CACNA2D3: variants seen among roughly 807,000 people sequenced by gnomAD.
The protein encoded by CACNA2D3 is voltage-dependent calcium channel subunit alpha-2/delta-3.
A neutral mutation model predicts 160.6 loss-of-function variants in CACNA2D3; 60 were observed. The ratio of observed to expected loss-of-function variants is 0.37; its 90% CI spans 0.30 to 0.46. The LOEUF is 0.46. Ranked by LOEUF, CACNA2D3 falls within the 20% of genes least tolerant of loss-of-function variation. The pLI, the probability that CACNA2D3 is intolerant of heterozygous loss-of-function variation, is 1.00. For synonymous variants in CACNA2D3, 558 were observed against 492.9 expected (o/e 1.13, Z -1.75); for missense variants, 1,205 against 1,365.0 (o/e 0.88, Z 1.85).
intron 9 of CACNA2D3, among the ~76,000 whole-genome samples, chr3:54,624,382 G>T (rs1699050269): frequency 6.6e-6 from 1 of 152,202 alleles, no homozygotes; most frequent in Non-Finnish European, 1.5e-5. Flanking sequence ...CAGCACTTTG[G>T]GAGGCTGAGG....
intron 27 of CACNA2D3, among the ~76,000 whole-genome samples, chr3:54,960,772 G>T (rs1479435765): frequency 6.6e-6 from 1 of 152,030 alleles, no homozygotes; most frequent in Non-Finnish European, 1.5e-5. Flanking sequence ...TGTCTTTTTT[G>T]TCCAACATTC....
intron 2 of CACNA2D3, among the ~76,000 whole-genome samples, chr3:54,253,425 G>C (rs543962887): frequency 1.3e-5 from 2 of 152,124 alleles, no homozygotes; most frequent in Non-Finnish European, 2.9e-5. Flanking sequence ...CATGGCTGGA[G>C]CAGGAGCCAG....
At chr3:54,646,779 G>T (rs1465947743) in intron 11 of CACNA2D3, among the ~76,000 whole-genome samples, 3 of 152,170 alleles carry the variant, frequency 2.0e-5, no homozygotes, top group Non-Finnish European at 4.4e-5. Context: ...ACCCAGTAAT[G>T]GGATTGCTGG....
chr3:55,040,068 G>C (rs2107189595), intron 35 of CACNA2D3, among the ~76,000 whole-genome samples: 1 of 152,278 alleles, frequency 6.6e-6, no homozygotes, highest in South Asian at 2.1e-4. Flanking sequence ...AGCATGGTCA[G>C]GTTCTGGTAA....
chr3:54,301,614 G>T (rs58603580), intron 2 of CACNA2D3, among the ~76,000 whole-genome samples: 3,095 of 152,244 alleles, frequency 0.02, 88 homozygotes, highest in African/African-American at 0.071. Context: ...AGTTTCCAAA[G>T]AAAATGTAGT....
chr3:54,490,203 G>A (rs1488866356), intron 4 of CACNA2D3, among the ~76,000 whole-genome samples: 1 of 152,254 alleles, frequency 6.6e-6, no homozygotes, highest in Non-Finnish European at 1.5e-5. Context: ...TGCAGGCACT[G>A]TGTGGTGACT....
chr3:54,312,151 A>C (rs1703756127), intron 2 of CACNA2D3, among the ~76,000 whole-genome samples: 1 of 152,156 alleles, frequency 6.6e-6, no homozygotes, highest in Non-Finnish European at 1.5e-5. Flanking sequence ...CATTTATTTC[A>C]GGTCGCAGAC....
intron 12 of CACNA2D3, among the ~76,000 whole-genome samples, chr3:54,759,435 A>T (rs1185062023): frequency 1.3e-5 from 2 of 151,768 alleles, no homozygotes. Context: ...ATTTCCTATT[A>T]TCCATCATTT....
At chr3:54,885,937 G>A (rs1358014432) in intron 23 of CACNA2D3, among the ~76,000 whole-genome samples, 1 of 152,170 alleles carries the variant, frequency 6.6e-6, no homozygotes, top group Non-Finnish European at 1.5e-5. Flanking sequence ...CTGGAAGTAG[G>A]ATTGTGCCTC....
intron 2 of CACNA2D3, among the ~76,000 whole-genome samples, chr3:54,290,887 C>T (rs1052222308): frequency 6.0e-5 from 9 of 150,918 alleles, no homozygotes; most frequent in African/African-American, 2.2e-4. Flanking sequence ...GGAAGGGGAA[C>T]ATTCCACACC....
At chr3:54,246,279 A>G (rs976131731) in intron 2 of CACNA2D3, among the ~76,000 whole-genome samples, 8 of 152,066 alleles carry the variant, frequency 5.3e-5, no homozygotes, top group Admixed American at 6.6e-5. Context: ...AGGTTCCTCT[A>G]TTTTCTTTTT....
chr3:54,683,017 C>G (rs1364554972), intron 11 of CACNA2D3, among the ~76,000 whole-genome samples: 1 of 152,112 alleles, frequency 6.6e-6, no homozygotes, highest in Non-Finnish European at 1.5e-5. Context: ...CTTGCAAAAG[C>G]AACTAGATAA....
chr3:54,749,307 A>C (rs1169894931), intron 11 of CACNA2D3, among the ~76,000 whole-genome samples: 1 of 152,232 alleles, frequency 6.6e-6, no homozygotes, highest in African/African-American at 2.4e-5. Flanking sequence ...TGTACCATGA[A>C]CTTGTAGCCA....
At chr3:54,348,380 T>C (rs1261586644) in intron 3 of CACNA2D3, among the ~76,000 whole-genome samples, 2 of 152,232 alleles carry the variant, frequency 1.3e-5, no homozygotes, top group Admixed American at 1.3e-4. Flanking sequence ...AACTGCAAGA[T>C]AAAATATTTT....
At chr3:54,466,209 G>T (rs575181694) in intron 4 of CACNA2D3, among the ~76,000 whole-genome samples, 82 of 152,294 alleles carry the variant, frequency 5.4e-4, no homozygotes, top group Non-Finnish European at 8.1e-4. Flanking sequence ...ATAATCAAGG[G>T]ATAGGAATCT....
At position 54,738,211 on chromosome 3, in the gene CACNA2D3, A is replaced by G. The variant is rs1182915451; in HGVS notation, c.1168-14388A>G. On this transcript the variant is annotated intron_variant, in intron 11 of 37. Coordinates refer to ENST00000474759, the MANE Select transcript of CACNA2D3 (RefSeq NM_018398.3). ...TTTTTAATACTGGCTGTCATTAGAA[A>G]TTGCCCAGTGCTCTGAAAGAGTGAG... Among the ~76,000 whole-genome samples, 3 of 152,204 alleles carry G rather than the reference A, an allele frequency of 2.0e-5. No homozygotes were observed. In the East Asian group the frequency reaches 5.8e-4, roughly 29 times the overall value.
chr3:54,549,119 G>A (rs1702111900), intron 5 of CACNA2D3, among the ~76,000 whole-genome samples: 1 of 152,138 alleles, frequency 6.6e-6, no homozygotes, highest in Admixed American at 6.5e-5. Flanking sequence ...CATATTAGAG[G>A]CAGGAGAGTC....
chr3:54,785,741 A>G (rs72874254), intron 13 of CACNA2D3, among the ~76,000 whole-genome samples: 7,616 of 152,274 alleles, frequency 0.05, 604 homozygotes, highest in African/African-American at 0.17. Flanking sequence ...TGGTACCAAA[A>G]GATAGTGGCC....
intron 5 of CACNA2D3, among the ~76,000 whole-genome samples, chr3:54,544,608 G>A (rs1263101913): frequency 1.3e-5 from 2 of 152,042 alleles, no homozygotes; most frequent in Admixed American, 1.3e-4. Flanking sequence ...ATATTGCCCA[G>A]GCTGGTCTCA....
Sources: gnomAD v4.1 joint callset for allele counts (sites outside exome capture counted in the v4.1 genomes callset) on GRCh38, gnomAD v4.1.1 for gene constraint, MANE v1.5 for transcripts, NCBI Gene and HGNC (gene_info 2026-07-23, HGNC 2026-07-21) for gene names.